The following IQCE variants were observed in gnomAD, a reference collection of about 807,000 sequenced individuals.
IQCE encodes IQ motif containing E.
In IQCE, 115 loss-of-function variants were observed where a neutral mutation model predicts 96.0. That is an observed-to-expected ratio of 1.20 (90% confidence interval 1.03 to 1.40). IQCE has a LOEUF of 1.40. Among genes scored for constraint, IQCE ranks in the 40% most tolerant of loss-of-function variants. IQCE has a pLI of 0.00. For missense variants in IQCE, 1,041 were observed against 909.1 expected, an observed-to-expected ratio of 1.15 and a Z score of -1.87; for synonymous variants, 412 against 371.2, an observed-to-expected ratio of 1.11 and a Z score of -1.26.
At chr7:2,589,800 C>G (rs1783436411) in intron 13 of IQCE, 107 bp from the exon 14 acceptor site, 1 of 1,077,656 alleles carries the variant, frequency 9.3e-7, no homozygotes, top group Non-Finnish European at 1.4e-6. Flanking sequence ...TTCTCATGGC[C>G]CTGCTGGAGA....
At chr7:2,608,369 G>C (rs189172304) in intron 21 of IQCE, among the ~76,000 whole-genome samples, 71 of 152,368 alleles carry the variant, frequency 4.7e-4, no homozygotes, top group African/African-American at 1.6e-3. Flanking sequence ...CTGTGTTTTA[G>C]AGAGTCTCCT....
intron 17 of IQCE, among the ~76,000 whole-genome samples, 173 bp from the exon 18 acceptor site, chr7:2,601,268 C>T (rs1164464390): frequency 6.6e-6 from 1 of 152,184 alleles, no homozygotes; most frequent in Admixed American, 6.5e-5. Flanking sequence ...CACTTTCGTC[C>T]TCCTTACAAA....
At chr7:2,588,112 C>T (rs563669277) in intron 13 of IQCE, among the ~76,000 whole-genome samples, 4 of 152,362 alleles carry the variant, frequency 2.6e-5, no homozygotes, top group South Asian at 2.1e-4. Context: ...GCGCTTCGCA[C>T]TGGAGCCCCT....
chr7:2,607,255 C>G lies in IQCE; in HGVS notation c.1969+28C>G, dbSNP rs200289741. ...AATTTCATTCATTTGGATTCTGGCA[C>G]CAGGGCAGCTGGTCTGCTGAGGTCT... On this transcript the variant is annotated intron_variant, in intron 21 of 21. Coordinates refer to ENST00000402050, the MANE Select transcript of IQCE (RefSeq NM_152558.5). The G allele has an allele frequency of 4.1e-5, 66 of 1,613,498 alleles. No individual in the cohort carries two copies. The African/African-American group carries it at 6.8e-4, about 17-fold the overall frequency.
rs1785094966 is a variant in IQCE, at chr7:2,611,245, G to C, written c.*1083G>C. On this transcript the variant is annotated 3_prime_UTR_variant, in exon 22 of 22. Coordinates refer to ENST00000402050, the MANE Select transcript of IQCE (RefSeq NM_152558.5). ...GTGCCCATCTCTTGCTTGTGTGTGA[G>C]ATTAGCCCTTGCTGGGGCGTCAAGA... The C allele has an allele frequency of 6.6e-6, 1 of 152,368 alleles. No individual in the cohort carries two copies. Among genetic ancestry groups the C allele is most frequent in the African/African-American group, 2.4e-5 (1 of 41,402 alleles). The allele number at this position is 152,368 out of a possible 1,614,324, so 9.4% of individuals were successfully genotyped here. A position where few individuals can be genotyped will look rare whatever the true frequency, so the allele number is the denominator to read the frequency against.
At chr7:2,596,488 G>C (rs1257735894) in intron 16 of IQCE, among the ~76,000 whole-genome samples, 1 of 150,764 alleles carries the variant, frequency 6.6e-6, no homozygotes, top group Non-Finnish European at 1.5e-5. Context: ...TTCCTACTCA[G>C]GAAACATTTC....
chr7:2,584,397 C>A, intron 11 of IQCE, 112 bp downstream of exon 11: 1 of 966,952 alleles, frequency 1.0e-6, no homozygotes, highest in Non-Finnish European at 1.7e-6. Context: ...CTTAGCTTGG[C>A]AGTGCTGCCA....
chr7:2,585,308 G>A (rs1783012036), intron 11 of IQCE, among the ~76,000 whole-genome samples: 1 of 152,184 alleles, frequency 6.6e-6, no homozygotes. Context: ...AAAGTTCTAG[G>A]ATTACAGGCA....
chr7:2,589,991 G>T lies in IQCE; in HGVS notation c.1129G>T (p.Ala377Ser). Residue 377 changes from alanine to serine, a missense_variant, in exon 14 of 22, where the codon GCG becomes TCG. Coordinates refer to ENST00000402050, the MANE Select transcript of IQCE (RefSeq NM_152558.5). ...GCCAGCCTGCCTTGCATCCAGCTCTGCGCTGCACAGACAGCCACGAGGGGA... is the reference window on the plus strand; with the variant it reads ...GCCAGCCTGCCTTGCATCCAGCTCTTCGCTGCACAGACAGCCACGAGGGGA... The part of the protein sequence containing the change: ...HPPACLASSS[A>S]LHRQPRGDRN... The T allele has an allele frequency of 6.2e-7, 1 of 1,613,944 alleles. No individual in the cohort carries two copies. The highest frequency in any genetic ancestry group is 8.5e-7 in the Non-Finnish European group (1 of 1,180,016).
intron 6 of IQCE, among the ~76,000 whole-genome samples, chr7:2,575,036 CTG>C (rs1401644381): frequency 2.2e-4 from 33 of 152,226 alleles, no homozygotes; most frequent in Non-Finnish European, 8.8e-5. Flanking sequence ...TGCCCTAAGT[CTG>C]TGGCGGGATT....
chr7:2,606,072 T>A, intron 20 of IQCE, 75 bp downstream of exon 20: 1 of 1,497,214 alleles, frequency 6.7e-7, no homozygotes, highest in South Asian at 1.3e-5. Flanking sequence ...CCCGGAGCAC[T>A]GGGTGCAGGG....
chr7:2,588,654 G>GTTTTTT lies in IQCE; in HGVS notation c.1044+800_1044+805dup, dbSNP rs370704456. ...AGACGTGAGCCACTGTGCCTGGCTG[G>GTTTTTT]TTTTTTTTTTTTTTTTTTTTTTTTT... On this transcript the variant is annotated intron_variant, in intron 13 of 21. Coordinates refer to ENST00000402050, the MANE Select transcript of IQCE (RefSeq NM_152558.5). Among the ~76,000 whole-genome samples the GTTTTTT allele has an allele frequency of 6.1e-3, 303 of 49,756 alleles. 60 individuals carry two copies. Among genetic ancestry groups the GTTTTTT allele is most frequent in the African/African-American group, 0.026 (297 of 11,448 alleles). 32.6% of individuals were successfully genotyped at this position (49,756 alleles called of 152,430 possible).
chr7:2,564,406 C>T (rs1781207169), intron 1 of IQCE, among the ~76,000 whole-genome samples: 1 of 151,956 alleles, frequency 6.6e-6, no homozygotes, highest in African/African-American at 2.4e-5. Flanking sequence ...ACCAGCCTGG[C>T]CAACATAGTG....
chr7:2,614,246 C>T lies in IQCE; in HGVS notation c.*4084C>T, dbSNP rs1364406601. 1 of 152,224 alleles carries T rather than the reference C, an allele frequency of 6.6e-6. No individual in the cohort carries two copies. Among genetic ancestry groups the T allele is most frequent in the Non-Finnish European group, 1.5e-5 (1 of 68,050 alleles). The allele number at this position is 152,224 out of a possible 1,614,324, so 9.4% of individuals were successfully genotyped here. On this transcript the variant is annotated 3_prime_UTR_variant, in exon 22 of 22. Transcript: ENST00000402050. Reference sequence around the variant, plus strand: ...AAAACCTGCAGAAAGCACCGATAACCTTCAAGATCTGAATGAGATTCTATT... The same window carrying T: ...AAAACCTGCAGAAAGCACCGATAACTTTCAAGATCTGAATGAGATTCTATT...
rs1022933881 is a variant in IQCE, at chr7:2,593,085, G to T, written c.1308G>T (p.Arg436Ser). The T allele has an allele frequency of 1.6e-5, 26 of 1,612,756 alleles. No individual in the cohort carries two copies. Among genetic ancestry groups the T allele is most frequent in the Non-Finnish European group, 2.2e-5 (26 of 1,179,026 alleles). The change falls in exon 15 of 22, where the codon AGG becomes AGT. Residue 436 changes from arginine to serine, a missense_variant. By Grantham distance (110) the Arg-to-Ser change is moderately radical. Coordinates refer to ENST00000402050, the MANE Select transcript of IQCE (RefSeq NM_152558.5). ...ADLEKELECA[R>S]EGEEERRERE... ...TGGAGAAGGAGCTGGAGTGCGCGAG[G>T]GAGGGCGAGGAGGAGAGGAGAGAGC...
chr7:2,577,573 G>A (rs1782253410), intron 6 of IQCE, among the ~76,000 whole-genome samples: 2 of 138,292 alleles, frequency 1.4e-5, no homozygotes, highest in African/African-American at 5.6e-5. Flanking sequence ...GGGGACGTGT[G>A]TGCGGCGTGC....
chr7:2,561,483 C>T lies in IQCE; in HGVS notation c.36+2266C>T, dbSNP rs532201242. Reference sequence around the variant, plus strand: ...TTGCCCAGGCTGGAGTGCAGTGGCGCGATCTCGGCTCACTGCAAGCTCCGC... The same window carrying T: ...TTGCCCAGGCTGGAGTGCAGTGGCGTGATCTCGGCTCACTGCAAGCTCCGC... On this transcript the variant is annotated intron_variant, in intron 1 of 21. Transcript: ENST00000402050. Among the ~76,000 whole-genome samples the T allele has an allele frequency of 6.0e-5, 9 of 150,086 alleles. No individual in the cohort carries two copies. The South Asian group carries it at 1.3e-3, about 21-fold the overall frequency.
In IQCE at chr7:2,572,210, T is replaced by G; in HGVS notation, c.278T>G (p.Leu93Arg). 1.2e-6 allele frequency: 2 copies of G among 1,614,166 alleles called. No individual in the cohort carries two copies. Among genetic ancestry groups the G allele is most frequent in the Non-Finnish European group, 1.7e-6 (2 of 1,180,016 alleles). Residue 93 changes from leucine (L) to arginine (R), a missense_variant, in exon 5 of 22, where the codon CTG (leucine) becomes CGG (arginine). Transcript: ENST00000402050. Reference protein sequence around the residue: ...TAKPGSLTQALNSPLTWEHAW... With the variant: ...TAKPGSLTQARNSPLTWEHAW... ...AAACCAGGAAGTCTGACCCAGGCCC[T>G]GAACTCACCCCTCACCTGGGAGCAT...
intron 6 of IQCE, among the ~76,000 whole-genome samples, chr7:2,574,669 T>G (rs933325972): frequency 6.6e-6 from 1 of 152,252 alleles, no homozygotes; most frequent in African/African-American, 2.4e-5. Flanking sequence ...GGTTTGTCTT[T>G]TGTTAAATCT....
Sources: gnomAD v4.1 joint callset for allele counts (sites outside exome capture counted in the v4.1 genomes callset) on GRCh38, gnomAD v4.1.1 for gene constraint, MANE v1.5 for transcripts, NCBI Gene and HGNC (gene_info 2026-07-23, HGNC 2026-07-21) for gene names.